RARB: variants seen among roughly 807,000 people sequenced by gnomAD.
The protein encoded by RARB is HBV-activated protein.
Under a neutral mutation model 51.9 loss-of-function variants are expected in RARB, and 17 were observed. That is an observed-to-expected ratio of 0.33 (90% CI 0.22 to 0.49). The LOEUF (loss-of-function observed/expected upper bound fraction) is 0.49. Among genes scored for constraint, RARB ranks in the 20% least tolerant of loss-of-function variants. The pLI, the probability that RARB is intolerant of heterozygous loss-of-function variation, is 0.99. For synonymous variants in RARB, 215 were observed against 195.4 expected (o/e 1.10, Z -0.84); for missense variants, 369 against 550.8 (o/e 0.67, Z 3.30).
intron 3 of RARB, among the ~76,000 whole-genome samples, chr3:25,093,543 G>C (rs1369973526): frequency 1.3e-5 from 2 of 152,024 alleles, no homozygotes; most frequent in Non-Finnish European, 2.9e-5. Flanking sequence ...AGACCACCAG[G>C]CTAGGAAGAT....
At chr3:24,973,375 T>C (rs932464155) in intron 2 of RARB, among the ~76,000 whole-genome samples, 6 of 152,118 alleles carry the variant, frequency 3.9e-5, no homozygotes, top group African/African-American at 1.2e-4. Context: ...TATAGCTTTG[T>C]AGTATATTTT....
At chr3:25,289,027 G>A (rs980874206) in intron 5 of RARB, among the ~76,000 whole-genome samples, 6 of 152,166 alleles carry the variant, frequency 3.9e-5, no homozygotes, top group South Asian at 2.1e-4. Context: ...ATACTGTTCC[G>A]CCACTGAGGC....
intron 4 of RARB, among the ~76,000 whole-genome samples, chr3:25,576,381 G>A (rs368008491): frequency 7.2e-5 from 11 of 152,286 alleles, no homozygotes; most frequent in Admixed American, 3.3e-4. Context: ...GAAGGCATTC[G>A]TGGCCCCTTC....
At chr3:24,916,873 C>T (rs1310841539) in intron 2 of RARB, among the ~76,000 whole-genome samples, 2 of 151,378 alleles carry the variant, frequency 1.3e-5, no homozygotes, top group South Asian at 2.1e-4. Flanking sequence ...AAACAAACTG[C>T]AGCCTACCTG....
chr3:25,202,278 A>C (rs1701413406), intron 5 of RARB, among the ~76,000 whole-genome samples: 1 of 151,838 alleles, frequency 6.6e-6, no homozygotes, highest in Admixed American at 6.6e-5. Context: ...ATTGGTGGTG[A>C]TATCCCCTTT....
intron 4 of RARB, among the ~76,000 whole-genome samples, chr3:25,156,103 A>C (rs1025009960): frequency 1.3e-5 from 2 of 152,204 alleles, no homozygotes; most frequent in African/African-American, 4.8e-5. Context: ...CAAACCAGCC[A>C]CATCAGCATC....
At chr3:25,471,265 A>G (rs1194160341) in intron 2 of RARB, among the ~76,000 whole-genome samples, 1 of 152,124 alleles carries the variant, frequency 6.6e-6, no homozygotes, top group African/African-American at 2.4e-5. Flanking sequence ...CTCTGATACT[A>G]TCTTTAGGCA....
intron 2 of RARB, among the ~76,000 whole-genome samples, chr3:24,869,205 C>T (rs951287673): frequency 6.6e-6 from 1 of 152,102 alleles, no homozygotes; most frequent in Non-Finnish European, 1.5e-5. Flanking sequence ...TCACTAATAG[C>T]AACTAAAGTC....
At chr3:24,911,758 GC>G (rs1186370028) in intron 2 of RARB, among the ~76,000 whole-genome samples, 3 of 152,142 alleles carry the variant, frequency 2.0e-5, no homozygotes. Context: ...TTCAAGATCA[GC>G]CTGGGAAACA....
intron 5 of RARB, among the ~76,000 whole-genome samples, chr3:25,238,698 G>C (rs1702360679): frequency 6.6e-6 from 1 of 152,032 alleles, no homozygotes; most frequent in Non-Finnish European, 1.5e-5. Flanking sequence ...AATAATACCT[G>C]TGGGCTGGGT....
intron 2 of RARB, among the ~76,000 whole-genome samples, chr3:24,898,174 G>A (rs753597637): frequency 6.6e-6 from 1 of 152,024 alleles, no homozygotes; most frequent in African/African-American, 2.4e-5. Context: ...TACAGACACT[G>A]CTGTGACTGA....
intron 5 of RARB, among the ~76,000 whole-genome samples, chr3:25,228,921 T>G (rs896939173): frequency 2.6e-5 from 4 of 152,122 alleles, no homozygotes; most frequent in African/African-American, 9.7e-5. Flanking sequence ...TTTGTTTCTC[T>G]TTTTTCCTTG....
At chr3:24,903,527 G>A (rs1489610168) in intron 2 of RARB, among the ~76,000 whole-genome samples, 1 of 152,008 alleles carries the variant, frequency 6.6e-6, no homozygotes. Context: ...CCATTTCAAT[G>A]TATGATTAAA....
chr3:25,205,768 G>T (rs1212447105), intron 5 of RARB, among the ~76,000 whole-genome samples: 3 of 151,406 alleles, frequency 2.0e-5, no homozygotes, highest in Non-Finnish European at 2.9e-5. Flanking sequence ...CTTGAGACGG[G>T]GTCTCACTCT....
intron 2 of RARB, among the ~76,000 whole-genome samples, chr3:24,999,432 C>T (rs1319915916): frequency 6.6e-6 from 1 of 152,148 alleles, no homozygotes; most frequent in East Asian, 1.9e-4. Flanking sequence ...ATGAAGAAAA[C>T]TCATTGCTTA....
At chr3:25,484,510 A>C (rs1696372686) in intron 2 of RARB, among the ~76,000 whole-genome samples, 1 of 152,174 alleles carries the variant, frequency 6.6e-6, no homozygotes, top group Admixed American at 6.5e-5. Context: ...CCATAGGCTA[A>C]ACCGGGTCTG....
chr3:25,119,664 A>C (rs927220221), intron 3 of RARB, among the ~76,000 whole-genome samples: 14 of 151,916 alleles, frequency 9.2e-5, no homozygotes, highest in African/African-American at 3.4e-4. Flanking sequence ...ACAAACAAAA[A>C]AAAAACAACA....
chr3:25,574,621 G>A (rs1277413207), intron 4 of RARB, among the ~76,000 whole-genome samples: 2 of 152,196 alleles, frequency 1.3e-5, no homozygotes, highest in Non-Finnish European at 2.9e-5. Flanking sequence ...TCACCAGGTG[G>A]GGCCTGGCGG....
intron 5 of RARB, among the ~76,000 whole-genome samples, chr3:25,186,183 A>G (rs986981783): frequency 1.1e-4 from 17 of 152,114 alleles, no homozygotes; most frequent in African/African-American, 4.1e-4. Flanking sequence ...CACTAAAAAG[A>G]AATTCAGATA....
Sources: gnomAD v4.1 joint callset for allele counts (sites outside exome capture counted in the v4.1 genomes callset) on GRCh38, gnomAD v4.1.1 for gene constraint, MANE v1.5 for transcripts, NCBI Gene and HGNC (gene_info 2026-07-23, HGNC 2026-07-21) for gene names.